Variants in GRID2 observed in about 807,000 individuals in gnomAD.
The protein encoded by GRID2 is glutamate receptor ionotropic, delta-2.
GRID2 carries 33 observed loss-of-function variants against 114.8 expected under a neutral mutation model. That is an observed-to-expected ratio of 0.29 (90% confidence interval 0.22 to 0.38). GRID2 has a LOEUF of 0.38. GRID2 is among the 10% of genes least tolerant of loss of function. The pLI, the probability that GRID2 is intolerant of heterozygous loss-of-function variation, is 1.00. For missense variants in GRID2, 1,184 were observed against 1,257.7 expected (o/e 0.94, Z 0.89); for synonymous variants, 505 against 449.9 (o/e 1.12, Z -1.55).
chr4:93,322,895 TTG>T (rs1757392710), intron 8 of GRID2, among the ~76,000 whole-genome samples: 1 of 152,140 alleles, frequency 6.6e-6, no homozygotes, highest in East Asian at 1.9e-4. Flanking sequence ...ATGGGGTTGT[TTG>T]TTTTTTTATT....
At chr4:93,243,899 C>T (rs180855769) in intron 8 of GRID2, among the ~76,000 whole-genome samples, 131 of 151,880 alleles carry the variant, frequency 8.6e-4, no homozygotes, top group Non-Finnish European at 1.7e-3. Flanking sequence ...ATTTTGAAAT[C>T]GCTAAGGTTT....
At chr4:93,207,490 T>A (rs770331576) in intron 5 of GRID2, 33 bp downstream of exon 5, 2 of 1,355,238 alleles carry the variant, frequency 1.5e-6, no homozygotes, top group South Asian at 2.4e-5. Context: ...GTTAACTCTG[T>A]GTCCTTTTTT....
At chr4:93,580,466 C>T (rs972616246) in intron 13 of GRID2, among the ~76,000 whole-genome samples, 3 of 152,204 alleles carry the variant, frequency 2.0e-5, no homozygotes, top group African/African-American at 7.2e-5. Context: ...AGTTCAGCCA[C>T]ATGTATCCAT....
At chr4:92,624,119 T>A (rs1730407820) in intron 2 of GRID2, among the ~76,000 whole-genome samples, 1 of 151,838 alleles carries the variant, frequency 6.6e-6, no homozygotes, top group South Asian at 2.1e-4. Context: ...TTAAATAAAT[T>A]ATGTTCCATG....
chr4:92,752,371 C>A (rs562366476), intron 2 of GRID2, among the ~76,000 whole-genome samples: 1 of 152,128 alleles, frequency 6.6e-6, no homozygotes, highest in African/African-American at 2.4e-5. Flanking sequence ...TTCATGTATT[C>A]CTCTAAGAAG....
chr4:92,826,297 A>T (rs1162777794), intron 2 of GRID2, among the ~76,000 whole-genome samples: 2 of 152,024 alleles, frequency 1.3e-5, no homozygotes, highest in Non-Finnish European at 2.9e-5. Flanking sequence ...TCATGGATTG[A>T]TTCCTAAGAC....
At chr4:93,703,586 C>G (rs1458102278) in intron 14 of GRID2, among the ~76,000 whole-genome samples, 1 of 151,850 alleles carries the variant, frequency 6.6e-6, no homozygotes, top group East Asian at 1.9e-4. Context: ...TGTTGGTGTG[C>G]TGCACCCAGT....
At chr4:93,281,800 A>G (rs941242193) in intron 8 of GRID2, among the ~76,000 whole-genome samples, 1 of 151,964 alleles carries the variant, frequency 6.6e-6, no homozygotes, top group African/African-American at 2.4e-5. Flanking sequence ...GAATCATGTA[A>G]ATCTTTTTCC....
chr4:92,555,471 T>C (rs538379531), intron 1 of GRID2, among the ~76,000 whole-genome samples: 1 of 152,208 alleles, frequency 6.6e-6, no homozygotes, highest in African/African-American at 2.4e-5. Context: ...GTGTTCAGGA[T>C]GATAACAGAT....
At chr4:93,663,936 G>A (rs6532424) in intron 14 of GRID2, among the ~76,000 whole-genome samples, 31,113 of 151,922 alleles carry the variant, frequency 0.2, 3,448 homozygotes, top group East Asian at 0.43. Context: ...AAACGTATTC[G>A]GATTTTATGG....
At chr4:93,124,434 C>A (rs1310451554) in intron 4 of GRID2, among the ~76,000 whole-genome samples, 3 of 152,112 alleles carry the variant, frequency 2.0e-5, no homozygotes, top group Admixed American at 1.3e-4. Context: ...TTGCTTAGTA[C>A]ATAAATGGCA....
chr4:93,361,863 C>G (rs113449626), intron 8 of GRID2, among the ~76,000 whole-genome samples: 5 of 151,954 alleles, frequency 3.3e-5, no homozygotes, highest in African/African-American at 1.2e-4. Context: ...TTCCAGGAAA[C>G]GTGCAGGATG....
intron 2 of GRID2, among the ~76,000 whole-genome samples, chr4:92,834,756 C>T (rs141097610): frequency 6.6e-6 from 1 of 152,084 alleles, no homozygotes; most frequent in Non-Finnish European, 1.5e-5. Flanking sequence ...GATTTCTGGA[C>T]ACTGCATTTT....
chr4:92,711,734 C>G (rs571411260), intron 2 of GRID2, among the ~76,000 whole-genome samples: 12 of 152,136 alleles, frequency 7.9e-5, no homozygotes, highest in African/African-American at 2.9e-4. Context: ...AAAACTCTGT[C>G]TTTACAAAAA....
intron 1 of GRID2, among the ~76,000 whole-genome samples, chr4:92,384,493 TAAA>T (rs1211585186): frequency 8.8e-5 from 4 of 45,570 alleles, no homozygotes; most frequent in African/African-American, 3.4e-4. Flanking sequence ...TTATATATAA[TAAA>T]AATATATATT....
intron 12 of GRID2, among the ~76,000 whole-genome samples, chr4:93,492,525 C>T (rs1202657527): frequency 6.6e-6 from 1 of 151,690 alleles, no homozygotes; most frequent in Non-Finnish European, 1.5e-5. Flanking sequence ...TAGCATTTTC[C>T]ATTGCTAAGG....
chr4:92,835,351 A>G (rs1742381793), intron 2 of GRID2, among the ~76,000 whole-genome samples: 1 of 152,186 alleles, frequency 6.6e-6, no homozygotes, highest in South Asian at 2.1e-4. Context: ...TTGAATAATA[A>G]AGTCAGATAA....
intron 2 of GRID2, among the ~76,000 whole-genome samples, chr4:92,922,166 G>C (rs114459910): frequency 4.6e-5 from 7 of 152,202 alleles, no homozygotes; most frequent in African/African-American, 7.2e-5. Flanking sequence ...ATATAATCTC[G>C]TGGTGTGCCG....
chr4:93,157,427 A>G (rs1737289701), intron 4 of GRID2, among the ~76,000 whole-genome samples: 1 of 151,784 alleles, frequency 6.6e-6, no homozygotes, highest in Admixed American at 6.6e-5. Context: ...TTTATCATTC[A>G]ACACTATATT....
Sources: gnomAD v4.1 joint callset for allele counts (sites outside exome capture counted in the v4.1 genomes callset) on GRCh38, gnomAD v4.1.1 for gene constraint, MANE v1.5 for transcripts, NCBI Gene and HGNC (gene_info 2026-07-23, HGNC 2026-07-21) for gene names.